SPARC: variants seen among roughly 807,000 people sequenced by gnomAD.
The protein encoded by SPARC is basement-membrane protein 40.
SPARC carries 23 observed loss-of-function variants against 37.7 expected under a neutral mutation model. That is an observed-to-expected ratio of 0.61 (90% confidence interval 0.44 to 0.87). The LOEUF (loss-of-function observed/expected upper bound fraction) is 0.87. Among genes scored for constraint, SPARC ranks in the 40% least tolerant of loss-of-function variants. The pLI, the probability that SPARC is intolerant of heterozygous loss-of-function variation, is 0.00. For missense variants in SPARC, 312 were observed against 389.0 expected, an observed-to-expected ratio of 0.80 and a Z score of 1.66; for synonymous variants, 155 against 150.8, an observed-to-expected ratio of 1.03 and a Z score of -0.20.
rs1259607627 is a variant in SPARC, at chr5:151,673,134, G to A, written c.203C>T (p.Ala68Val). The change falls in exon 4 of 10, where the codon GCG becomes GTG. Residue 68 changes from alanine to valine, a missense_variant. Transcript: ENST00000231061. ...GTTACAGGGAAGGGACATACTTTCC[G>A]CCACCACCTCCTCTTCGGTTTCCTC... ...GAEETEEEVV[A>V]ENPCQNHHCK... The A allele has an allele frequency of 6.2e-6, 10 of 1,612,394 alleles. No individual in the cohort carries two copies. Among genetic ancestry groups the A allele is most frequent in the East Asian group, 2.2e-5 (1 of 44,894 alleles).
rs1041226393 is a variant in SPARC, at chr5:151,676,120, T to G, written c.57+12A>C. 3 of 1,607,652 alleles carry G rather than the reference T, an allele frequency of 1.9e-6. No homozygotes were observed. Among genetic ancestry groups the G allele is most frequent in the Non-Finnish European group, 2.5e-6 (3 of 1,176,674 alleles). The stretch of plus-strand genomic sequence containing the variant: ...GAATGAAAACAAGAAGACATGATAT[T>G]TAGGTACTTACAGGGGCTGCCAAGG... On this transcript the variant is annotated intron_variant, in intron 2 of 9. Coordinates refer to ENST00000231061, the MANE Select transcript of SPARC (RefSeq NM_003118.4).
At chr5:151,684,704 A>C (rs893155431) in intron 1 of SPARC, among the ~76,000 whole-genome samples, 1 of 151,848 alleles carries the variant, frequency 6.6e-6, no homozygotes, top group African/African-American at 2.4e-5. Context: ...GGAATGCCAC[A>C]ATTCGCAAAG....
At chr5:151,675,553 G>A (rs1760836737) in intron 2 of SPARC, among the ~76,000 whole-genome samples, 1 of 152,168 alleles carries the variant, frequency 6.6e-6, no homozygotes, top group Admixed American at 6.5e-5. Flanking sequence ...AATTGCTGGA[G>A]TTGATTCATT....
intron 1 of SPARC, among the ~76,000 whole-genome samples, chr5:151,684,809 C>T (rs1761090768): frequency 6.6e-6 from 1 of 151,992 alleles, no homozygotes; most frequent in Non-Finnish European, 1.5e-5. Context: ...GGAATGGGGC[C>T]CAGAAAGAAG....
chr5:151,667,672 C>A (rs953705871), intron 6 of SPARC, 72 bp from the exon 7 acceptor site: 14 of 1,542,942 alleles, frequency 9.1e-6, no homozygotes, highest in African/African-American at 6.8e-5. Context: ...GGCCCCCACC[C>A]ACCCACATAC....
In SPARC at chr5:151,675,661, C is replaced by A. The variant is rs191850592; in HGVS notation, c.57+471G>T. 4.8e-4 allele frequency among the ~76,000 whole-genome samples: 73 copies of A among 152,304 alleles called. No homozygotes were observed. In the Middle Eastern group the frequency reaches 0.024, roughly 50 times the overall value. On this transcript the variant is annotated intron_variant, in intron 2 of 9. Coordinates refer to ENST00000231061, the MANE Select transcript of SPARC (RefSeq NM_003118.4). ...TCCCCAAGGCCTTTAATATTATAATCTACCTCTGTATCTTCCCCTCCTTCC... is the reference window on the plus strand; with the variant it reads ...TCCCCAAGGCCTTTAATATTATAATATACCTCTGTATCTTCCCCTCCTTCC...
Position 151,664,036 on chromosome 5 carries a change from T to TGGTGGG in SPARC, c.883+50_883+51insCCCACC. The TGGTGGG allele has an allele frequency of 1.9e-6, 3 of 1,610,446 alleles. No homozygotes were observed. The South Asian group carries it at 3.3e-5, about 18-fold the overall frequency. On this transcript the variant is annotated intron_variant, in intron 9 of 9. Coordinates refer to ENST00000231061, the MANE Select transcript of SPARC (RefSeq NM_003118.4). ...GTGGGGGGATGACAACCCAGCACCC[T>TGGTGGG]GGGAGCAGTGTTTCTGCCCATGCCC...
In SPARC at chr5:151,681,389, C is replaced by T. The variant is rs115467802; in HGVS notation, c.-13-5188G>A. On this transcript the variant is annotated intron_variant, in intron 1 of 9. Coordinates refer to ENST00000231061, the MANE Select transcript of SPARC (RefSeq NM_003118.4). The stretch of plus-strand genomic sequence containing the variant: ...TCAGCATGTCTCCCAGCTCACTGTG[C>T]GAATTCAGGGGAGTCTCCTCTGCTC... 3.6e-3 allele frequency among the ~76,000 whole-genome samples: 543 copies of T among 152,340 alleles called. 3 individuals are homozygous for T. Among genetic ancestry groups the T allele is most frequent in the African/African-American group, 0.013 (527 of 41,574 alleles).
At position 151,666,482 on chromosome 5, in the gene SPARC, G is replaced by C; in HGVS notation, c.613C>G (p.Arg205Gly). The C allele has an allele frequency of 6.2e-7, 1 of 1,614,084 alleles. No homozygotes were observed. Among genetic ancestry groups the C allele is most frequent in the South Asian group, 1.1e-5 (1 of 91,058 alleles). Reference protein sequence around the residue: ...RVKKIHENEKRLEAGDHPVEL... With the variant: ...RVKKIHENEKGLEAGDHPVEL... ...ACGGGGTGGTCTCCTGCCTCCAGGC[G>C]CTTCTCATTCTCATGGATCTTCTTC... The change falls in exon 8 of 10, where the codon CGC becomes GGC. Residue 205 changes from arginine (R) to glycine (G), a missense_variant. Transcript: ENST00000231061.
intron 6 of SPARC, among the ~76,000 whole-genome samples, chr5:151,668,880 T>C (rs1760686722): frequency 6.6e-6 from 1 of 152,108 alleles, no homozygotes; most frequent in Non-Finnish European, 1.5e-5. Context: ...CCTACATACT[T>C]TTCTGCACCC....
At position 151,669,667 on chromosome 5, in the gene SPARC, T is replaced by G; in HGVS notation, c.448A>C (p.Lys150Gln). 6.2e-7 allele frequency: 1 copy of G among 1,614,146 alleles called. No homozygotes were observed. The highest frequency in any genetic ancestry group is 8.5e-7 in the Non-Finnish European group (1 of 1,179,986). Residue 150 changes from lysine to glutamine, a missense_variant, in exon 6 of 10, where the codon AAA (lysine) becomes CAA (glutamine). Physicochemically the swap from Lys to Gln is moderately conservative, Grantham distance 53. Coordinates refer to ENST00000231061, the MANE Select transcript of SPARC (RefSeq NM_003118.4). ...KLHLDYIGPC[K>Q]YIPPCLDSEL... ...GGAAGGGCCCAAGGACACTCACATT[T>G]GCAAGGCCCGATGTAGTCCAGGTGG...
At chr5:151,663,684 A>C in intron 9 of SPARC, 85 bp from the exon 10 acceptor site, 4 of 1,364,330 alleles carry the variant, frequency 2.9e-6, no homozygotes, top group Non-Finnish European at 4.2e-6. Context: ...ACTCCCACCC[A>C]TCCCCAGGGG....
At position 151,674,648 on chromosome 5, in the gene SPARC, T is replaced by C. The variant is rs778014998; in HGVS notation, c.84A>G (p.Thr28=). The C allele has an allele frequency of 6.2e-7, 1 of 1,614,154 alleles. No individual in the cohort carries two copies. Among genetic ancestry groups the C allele is most frequent in the Non-Finnish European group, 8.5e-7 (1 of 1,180,018 alleles). The change falls in exon 3 of 10, where the codon ACA becomes ACG. Residue 28 remains threonine, a synonymous_variant. Transcript: ENST00000231061. ...CTGCCACAGTTTCTTCCACCACCTC[T>C]GTCTCATCAGGCAGGGCTTCTTGCT... ...APQQEALPDE[T]EVVEETVAEV... is the part of the protein sequence containing the mutation.
Position 151,663,491 on chromosome 5 carries a change from C to G in SPARC, c.*80G>C. On this transcript the variant is annotated 3_prime_UTR_variant, in exon 10 of 10. Transcript: ENST00000231061. ...CCTTGTCTCCAGGCAGAACAACAAA[C>G]CATCCAAACATTTTAAACATTGGGG... The G allele has an allele frequency of 7.3e-7, 1 of 1,372,782 alleles. No individual in the cohort carries two copies. The highest frequency in any genetic ancestry group is 1.7e-5 in the Admixed American group (1 of 58,622). 85.0% of individuals were successfully genotyped at this position (1,372,782 alleles called of 1,614,324 possible). A position where few individuals can be genotyped will look rare whatever the true frequency, so the allele number is the denominator to read the frequency against.
At position 151,667,356 on chromosome 5, in the gene SPARC, G is replaced by A. The variant is rs1360222731; in HGVS notation, c.585+111C>T. 7.3e-6 allele frequency: 9 copies of A among 1,232,772 alleles called. No homozygotes were observed. In the East Asian group the frequency reaches 1.4e-4, roughly 19 times the overall value. 76.4% of individuals were successfully genotyped at this position (1,232,772 alleles called of 1,614,324 possible). A position where few individuals can be genotyped will look rare whatever the true frequency, so the allele number is the denominator to read the frequency against. ...GAAGTACGTGTCCTGGTGCTCAGGG[G>A]TAAATGCACGCTCCGGAGCAGGATG... On this transcript the variant is annotated intron_variant, in intron 7 of 9. Coordinates refer to ENST00000231061, the MANE Select transcript of SPARC (RefSeq NM_003118.4).
At chr5:151,672,782 A>G (rs1760774736) in intron 4 of SPARC, 1 of 297,834 alleles carries the variant, frequency 3.4e-6, no homozygotes, top group Non-Finnish European at 6.5e-6. Flanking sequence ...TACAGAAGCA[A>G]TGGGAGATTT....
chr5:151,664,008 A>AG, intron 9 of SPARC, 79 bp downstream of exon 9: 3 of 1,530,540 alleles, frequency 2.0e-6, no homozygotes, highest in Non-Finnish European at 2.7e-6. Context: ...AAGAGAGCGG[A>AG]GAGTGGGGGG....
intron 8 of SPARC, among the ~76,000 whole-genome samples, chr5:151,665,721 C>T (rs1456471847): frequency 1.3e-5 from 2 of 152,204 alleles, no homozygotes; most frequent in Non-Finnish European, 2.9e-5. Flanking sequence ...AAGGACCATG[C>T]CAGCTCTGAC....
At position 151,667,696 on chromosome 5, in the gene SPARC, G is replaced by A. The variant is rs956509070; in HGVS notation, c.452-96C>T. ...CCACCCACATACCACCTGCATTGGT[G>A]GCCTTGGCACAGTGGCTCAACCTCT... On this transcript the variant is annotated intron_variant, in intron 6 of 9. Transcript: ENST00000231061. 4 of 1,449,900 alleles carry A rather than the reference G, an allele frequency of 2.8e-6. No homozygotes were observed. The African/African-American group carries it at 5.7e-5, about 20-fold the overall frequency. 89.8% of individuals were successfully genotyped at this position (1,449,900 alleles called of 1,614,324 possible).
Sources: allele counts gnomAD v4.1 joint callset (sites outside exome capture counted in the v4.1 genomes callset), GRCh38; gene constraint gnomAD v4.1.1; transcripts MANE v1.5; gene names NCBI Gene and HGNC (gene_info 2026-07-23, HGNC 2026-07-21).